TSPAN10: variants seen among roughly 807,000 people sequenced by gnomAD.
TSPAN10 encodes tetraspanin 10, also known as tetraspanin-10.
TSPAN10 carries 11 observed loss-of-function variants against 15.0 expected under a neutral mutation model. The observed-to-expected ratio is 0.73, with a 90% CI of 0.46 to 1.21. The LOEUF (loss-of-function observed/expected upper bound fraction) is 1.21, where lower values mean the gene tolerates loss of function less well. Ranked by LOEUF, TSPAN10 falls within the 50% of genes most tolerant of loss-of-function variation. The pLI, the probability that TSPAN10 is intolerant of heterozygous loss-of-function variation, is 0.00. For synonymous variants in TSPAN10, 241 were observed against 226.2 expected (o/e 1.07, Z -0.59); for missense variants, 486 against 470.6 (o/e 1.03, Z -0.30).
At chr17:81,644,438 G>A (rs574421132) in intron 1 of TSPAN10, among the ~76,000 whole-genome samples, 111 of 130,354 alleles carry the variant, frequency 8.5e-4, no homozygotes, top group Middle Eastern at 7.6e-3. Context: ...AAGAATGGGT[G>A]CTGGGATGTG....
At chr17:81,641,612 A>AC (rs1568178135), upstream of TSPAN10, among the ~76,000 whole-genome samples, 1 of 108,024 alleles carries the variant, frequency 9.3e-6, no homozygotes, top group African/African-American at 4.2e-5. Flanking sequence ...ACCTCTTTGG[A>AC]CTGCTGAGTG....
intron 2 of TSPAN10, 57 bp downstream of exon 3, chr17:81,645,686 C>A: frequency 6.3e-7 from 1 of 1,593,770 alleles, no homozygotes; most frequent in African/African-American, 1.3e-5. Flanking sequence ...AGGCCACACA[C>A]CCTTGTGCGT....
upstream of TSPAN10, chr17:81,637,933 C>CAAACAAAAA (rs558551599): frequency 8.9e-6 from 1 of 111,938 alleles, no homozygotes; most frequent in Non-Finnish European, 1.9e-5. Flanking sequence ...GACTTCATCT[C>CAAACAAAAA]AAAAAAAAAA....
intron 2 of TSPAN10, 119 bp downstream of exon 3, chr17:81,645,748 T>G (rs2036244256): frequency 1.6e-6 from 2 of 1,285,050 alleles, no homozygotes; most frequent in African/African-American, 1.5e-5. Flanking sequence ...CCCACATGCA[T>G]GCACACGTAT....
At chr17:81,648,355 C>G (rs2036289054), downstream of TSPAN10, 1 of 1,189,174 alleles carries the variant, frequency 8.4e-7, no homozygotes, top group African/African-American at 1.6e-5. Flanking sequence ...CTCCGCCCGG[C>G]TAAAAAGCGC....
chr17:81,645,351 C>A (rs191170812), exon 2 of TSPAN10: 4 of 1,586,528 alleles, frequency 2.5e-6, no homozygotes, highest in African/African-American at 1.3e-5. Context: ...TGGTGGTCAG[C>A]GCAGTGAGCC....
intron 1 of TSPAN10, among the ~76,000 whole-genome samples, chr17:81,644,191 G>C (rs996525473): frequency 6.6e-6 from 1 of 151,946 alleles, no homozygotes; most frequent in Non-Finnish European, 1.5e-5. Flanking sequence ...AACTCTTCCC[G>C]GCAGAACTGG....
At chr17:81,642,075 G>A (rs2036183202), upstream of TSPAN10, among the ~76,000 whole-genome samples, 1 of 108,172 alleles carries the variant, frequency 9.2e-6, no homozygotes, top group Non-Finnish European at 1.7e-5. Context: ...AGTCCGCATG[G>A]GGGGCTGCAG....
At chr17:81,642,713 G>A (rs1328787485) in intron 1 of TSPAN10, among the ~76,000 whole-genome samples, 1 of 152,182 alleles carries the variant, frequency 6.6e-6, no homozygotes, top group African/African-American at 2.4e-5. Flanking sequence ...TTGGCTCAGG[G>A]TGCAGGAGGG....
chr17:81,640,920 C>A (rs1167658939), upstream of TSPAN10, among the ~76,000 whole-genome samples: 1 of 152,062 alleles, frequency 6.6e-6, no homozygotes, highest in African/African-American at 2.4e-5. Context: ...CGCCTGTAAT[C>A]CCAGCACTTT....
chr17:81,645,255 G>C, exon 2 of TSPAN10: 1 of 1,533,666 alleles, frequency 6.5e-7, no homozygotes, highest in Non-Finnish European at 8.7e-7. Context: ...TCGGGCTCTG[G>C]GGCCTGGCTG....
intron 1 of TSPAN10, among the ~76,000 whole-genome samples, chr17:81,643,428 G>A (rs1379943763): frequency 1.1e-5 from 1 of 94,318 alleles, no homozygotes; most frequent in Non-Finnish European, 1.9e-5. Flanking sequence ...CGGCTAAAAC[G>A]GTGAAACCCT....
At chr17:81,644,069 G>A (rs1364832007) in intron 1 of TSPAN10, among the ~76,000 whole-genome samples, 3 of 146,238 alleles carry the variant, frequency 2.1e-5, no homozygotes, top group East Asian at 2.0e-4. Context: ...GGCTGGTCTC[G>A]AATTCCCGAC....
intron 1 of TSPAN10, among the ~76,000 whole-genome samples, chr17:81,643,037 G>T (rs1401805067): frequency 1.4e-5 from 2 of 147,752 alleles, no homozygotes; most frequent in Non-Finnish European, 3.0e-5. Context: ...ATAGAGTCTC[G>T]CTCTGTCACC....
At chr17:81,647,245 G>A (rs1477877692) in intron 2 of TSPAN10, among the ~76,000 whole-genome samples, 3 of 152,086 alleles carry the variant, frequency 2.0e-5, no homozygotes, top group Non-Finnish European at 2.9e-5. Flanking sequence ...TGCTGGCCTC[G>A]TCCCCATCCC....
chr17:81,647,697 T>A, intron 2 of TSPAN10: 1 of 649,022 alleles, frequency 1.5e-6, no homozygotes, highest in Non-Finnish European at 2.7e-6. Flanking sequence ...AGGACTGCCG[T>A]GCACAGGGAT....
At chr17:81,646,898 G>A (rs866655943) in intron 2 of TSPAN10, among the ~76,000 whole-genome samples, 5 of 151,712 alleles carry the variant, frequency 3.3e-5, no homozygotes, top group Middle Eastern at 3.4e-3. Context: ...AGGCTGGAGT[G>A]CAGTGGCTCG....
chr17:81,643,158 C>A lies in TSPAN10; in HGVS notation c.36+710C>A, dbSNP rs564243127. On this transcript the variant is annotated intron_variant, in intron 1 of 2. Coordinates refer to ENST00000611590, the Ensembl canonical transcript of TSPAN10. ...TAGCTGGGATTACAGGCACATGCCA[C>A]CACACCCAGCTAATTTTTTTTAGTC... Among the ~76,000 whole-genome samples the A allele has an allele frequency of 2.3e-4, 34 of 150,798 alleles. 1 individual carries two copies. The highest frequency in any genetic ancestry group is 8.2e-4 in the African/African-American group (34 of 41,420).
chr17:81,645,326 T>C (rs942447474), exon 2 of TSPAN10: 4 of 1,559,746 alleles, frequency 2.6e-6, no homozygotes, highest in Admixed American at 3.9e-5. Context: ...ATGCTGGGGC[T>C]GGCACTGGGA....
Sources: allele counts gnomAD v4.1 joint callset (sites outside exome capture counted in the v4.1 genomes callset), GRCh38; gene constraint gnomAD v4.1.1; transcripts MANE v1.5; gene names NCBI Gene and HGNC (gene_info 2026-07-23, HGNC 2026-07-21).